The following ZRANB2 variants were observed in gnomAD, a reference collection of about 807,000 sequenced individuals.
ZRANB2 encodes the protein zinc finger RANBP2-type containing 2.
Under a neutral mutation model 53.4 loss-of-function variants are expected in ZRANB2, and 19 were observed. That is an observed-to-expected ratio of 0.36 (90% CI 0.25 to 0.52). The LOEUF is 0.52. Ranked by LOEUF, ZRANB2 falls within the 20% of genes least tolerant of loss-of-function variation. The pLI is 0.93. For missense variants in ZRANB2, 309 were observed against 401.1 expected, an observed-to-expected ratio of 0.77 and a Z score of 1.96; for synonymous variants, 145 against 134.8, an observed-to-expected ratio of 1.08 and a Z score of -0.52.
chr1:71,072,575 C>T (rs1352166399), intron 4 of ZRANB2, 27 bp from the exon 5 acceptor site: 1 of 1,531,600 alleles, frequency 6.5e-7, no homozygotes, highest in Admixed American at 1.8e-5. Flanking sequence ...CAAATTGTTA[C>T]CCTATGACAA....
chr1:71,078,138 G>A (rs994661754), intron 3 of ZRANB2, among the ~76,000 whole-genome samples: 5 of 152,166 alleles, frequency 3.3e-5, no homozygotes, highest in African/African-American at 1.2e-4. Flanking sequence ...TCTAAAAATT[G>A]GGATTTTTCA....
rs1231631854 is a variant in ZRANB2, at chr1:71,066,296, A to C, written c.929+480T>G. Reference sequence around the variant, plus strand: ...AAAAATGTATTAGCTACAAGGAATAATTTCCTTATAGACAAAGGGCATGAA... The same window carrying C: ...AAAAATGTATTAGCTACAAGGAATACTTTCCTTATAGACAAAGGGCATGAA... On this transcript the variant is annotated intron_variant, in intron 9 of 9. Coordinates refer to ENST00000370920, the MANE Select transcript of ZRANB2 (RefSeq NM_203350.3). 1.9e-5 allele frequency: 3 copies of C among 154,220 alleles called. No homozygotes were observed. The East Asian group carries it at 5.7e-4, about 30-fold the overall frequency. 9.6% of individuals were successfully genotyped at this position (154,220 alleles called of 1,614,324 possible). A position where few individuals can be genotyped will look rare whatever the true frequency, so the allele number is the denominator to read the frequency against.
chr1:71,072,641 A>G, intron 4 of ZRANB2, 93 bp from the exon 5 acceptor site: 2 of 903,182 alleles, frequency 2.2e-6, no homozygotes, highest in South Asian at 3.3e-5. Context: ...AAAAACATCT[A>G]ATCAACAATG....
At chr1:71,079,887 A>G (rs1240126833) in intron 1 of ZRANB2, among the ~76,000 whole-genome samples, 1 of 152,168 alleles carries the variant, frequency 6.6e-6, no homozygotes, top group Non-Finnish European at 1.5e-5. Flanking sequence ...GTTAGGCTTG[A>G]ACTACTCCTT....
In ZRANB2 at chr1:71,065,923, G is replaced by A. The variant is rs1417838262; in HGVS notation, c.930-786C>T. 3.2e-6 allele frequency: 3 copies of A among 942,088 alleles called. No individual in the cohort carries two copies. The African/African-American group carries it at 5.0e-5, about 16-fold the overall frequency. The allele number at this position is 942,088 out of a possible 1,614,324, so 58.4% of individuals were successfully genotyped here. On this transcript the variant is annotated intron_variant, in intron 9 of 9. Transcript: ENST00000370920. ...AACAAATGCAGAGAAACAAGACTGT[G>A]TGAAATCTTAACATCTAAACTCCAA...
Position 71,072,561 on chromosome 1 carries a change from G to C in ZRANB2, c.302-13C>G. ...CCACCACCATATCCTTAAAAAAGAG[G>C]GCACAAATTGTTACCCTATGACAAT... On this transcript the variant is annotated splice_polypyrimidine_tract_variant and intron_variant, in intron 4 of 9. Coordinates refer to ENST00000370920, the MANE Select transcript of ZRANB2 (RefSeq NM_203350.3). 1 of 1,585,464 alleles carries C rather than the reference G, an allele frequency of 6.3e-7. No individual in the cohort carries two copies. The highest frequency in any genetic ancestry group is 1.7e-4 in the Middle Eastern group (1 of 5,986).
intron 8 of ZRANB2, 127 bp from the exon 9 acceptor site, chr1:71,067,061 T>C (rs1331262307): frequency 1.2e-6 from 1 of 836,104 alleles, no homozygotes; most frequent in Non-Finnish European, 1.7e-6. Flanking sequence ...TAAGGAAGAA[T>C]ACTTACTGCT....
At chr1:71,075,635 G>C (rs1661692218) in intron 4 of ZRANB2, among the ~76,000 whole-genome samples, 1 of 151,938 alleles carries the variant, frequency 6.6e-6, no homozygotes, top group African/African-American at 2.4e-5. Context: ...CAAAAGAAGA[G>C]AAACCTGCAA....
chr1:71,080,527 G>A (rs74090260), intron 1 of ZRANB2, among the ~76,000 whole-genome samples: 1,719 of 152,182 alleles, frequency 0.011, 37 homozygotes, highest in African/African-American at 0.039. Context: ...AAGGACGAGT[G>A]CGAGAAAGCA....
At chr1:71,069,578 T>C (rs962886064) in intron 7 of ZRANB2, 3 of 346,792 alleles carry the variant, frequency 8.7e-6, no homozygotes, top group Non-Finnish European at 1.6e-5. Flanking sequence ...TAAATTACCC[T>C]AAAGCCACTC....
intron 3 of ZRANB2, among the ~76,000 whole-genome samples, chr1:71,078,133 A>C (rs1241353665): frequency 6.6e-6 from 1 of 152,172 alleles, no homozygotes; most frequent in East Asian, 1.9e-4. Context: ...TACAGTCTAA[A>C]AATTGGGATT....
chr1:71,065,711 C>T, intron 9 of ZRANB2: 5 of 1,612,402 alleles, frequency 3.1e-6, no homozygotes, highest in Non-Finnish European at 4.2e-6. Context: ...TAGGGGTTGG[C>T]CCTGGGCTCA....
chr1:71,075,345 G>C (rs537379269), intron 4 of ZRANB2, among the ~76,000 whole-genome samples: 82 of 152,276 alleles, frequency 5.4e-4, no homozygotes, highest in African/African-American at 1.8e-3. Flanking sequence ...TGTAATAAAT[G>C]TATGGTGAGT....
At chr1:71,071,846 A>G (rs1433193831) in intron 6 of ZRANB2, among the ~76,000 whole-genome samples, 3 of 152,158 alleles carry the variant, frequency 2.0e-5, no homozygotes, top group African/African-American at 7.2e-5. Flanking sequence ...ATGTGTCTTC[A>G]TAACGTTACT....
At chr1:71,073,401 G>T (rs1661635832) in intron 4 of ZRANB2, among the ~76,000 whole-genome samples, 1 of 151,866 alleles carries the variant, frequency 6.6e-6, no homozygotes, top group African/African-American at 2.4e-5. Flanking sequence ...GTACAATAAG[G>T]CCGGTGATTT....
chr1:71,074,020 G>A (rs1326801224), intron 4 of ZRANB2, among the ~76,000 whole-genome samples: 1 of 152,106 alleles, frequency 6.6e-6, no homozygotes, highest in African/African-American at 2.4e-5. Context: ...AGATAATGCT[G>A]TATAAATTGG....
intron 3 of ZRANB2, 92 bp downstream of exon 3, chr1:71,078,365 T>G: frequency 9.4e-7 from 1 of 1,065,790 alleles, no homozygotes; most frequent in South Asian, 1.4e-5. Flanking sequence ...CCCTGGCTTG[T>G]CAATGTCACT....
chr1:71,065,538 TA>T, intron 9 of ZRANB2: 1 of 1,308,358 alleles, frequency 7.6e-7, no homozygotes, highest in Non-Finnish European at 1.0e-6. Context: ...GTCTATTATG[TA>T]AAAAAGATAC....
intron 9 of ZRANB2, 107 bp from the exon 10 acceptor site, chr1:71,065,244 G>C (rs1215155959): frequency 1.2e-6 from 1 of 829,114 alleles, no homozygotes; most frequent in Admixed American, 3.1e-5. Context: ...CATGATGCTA[G>C]CAAAAAAATT....
Sources: allele counts gnomAD v4.1 joint callset (sites outside exome capture counted in the v4.1 genomes callset), GRCh38; gene constraint gnomAD v4.1.1; transcripts MANE v1.5; gene names NCBI Gene and HGNC (gene_info 2026-07-23, HGNC 2026-07-21).